The following IGF1R variants were observed in gnomAD, a reference collection of about 807,000 sequenced individuals.
IGF1R encodes the protein insulin like growth factor 1 receptor.
In IGF1R, 44 loss-of-function variants were observed where a neutral mutation model predicts 144.6. That is an observed-to-expected ratio of 0.30 (90% confidence interval 0.24 to 0.39). The LOEUF (loss-of-function observed/expected upper bound fraction) is 0.39, where lower values mean the gene tolerates loss of function less well. Among genes scored for constraint, IGF1R ranks in the 10% least tolerant of loss-of-function variants. The pLI, the probability that IGF1R is intolerant of heterozygous loss-of-function variation, is 1.00. For missense variants in IGF1R, 1,355 were observed against 1,833.7 expected, an observed-to-expected ratio of 0.74 and a Z score of 4.77; for synonymous variants, 795 against 722.8, an observed-to-expected ratio of 1.10 and a Z score of -1.60.
intron 2 of IGF1R, among the ~76,000 whole-genome samples, chr15:98,839,185 C>T (rs1338534481): frequency 6.6e-6 from 1 of 152,268 alleles, no homozygotes; most frequent in Non-Finnish European, 1.5e-5. Context: ...TTGCCATATA[C>T]TCAGTTGTCC....
chr15:98,853,248 T>G (rs2141564708), intron 2 of IGF1R, among the ~76,000 whole-genome samples: 1 of 152,346 alleles, frequency 6.6e-6, no homozygotes, highest in African/African-American at 2.4e-5. Context: ...AACCAAATGT[T>G]TTTCTACCTT....
chr15:98,716,525 G>C (rs1181161096), intron 2 of IGF1R, among the ~76,000 whole-genome samples: 2 of 152,182 alleles, frequency 1.3e-5, no homozygotes, highest in Non-Finnish European at 2.9e-5. Flanking sequence ...ATCTGTACCT[G>C]CCACTGGCTA....
chr15:98,937,917 AC>A (rs1285307557), intron 17 of IGF1R, among the ~76,000 whole-genome samples: 13 of 152,176 alleles, frequency 8.5e-5, no homozygotes, highest in African/African-American at 2.9e-4. Context: ...ATTTGGACTT[AC>A]CCCCAGTGAC....
At chr15:98,878,690 A>C (rs1233953173) in intron 2 of IGF1R, among the ~76,000 whole-genome samples, 54 of 139,926 alleles carry the variant, frequency 3.9e-4, no homozygotes, top group African/African-American at 1.4e-3. Context: ...AAAAAAAAAA[A>C]AAAAACAACA....
At chr15:98,706,121 G>T (rs1372931722) in intron 1 of IGF1R, among the ~76,000 whole-genome samples, 1 of 152,214 alleles carries the variant, frequency 6.6e-6, no homozygotes, top group Non-Finnish European at 1.5e-5. Flanking sequence ...TGGACTCGCT[G>T]TGTGCACACC....
chr15:98,837,095 TC>T (rs754310912), intron 2 of IGF1R, among the ~76,000 whole-genome samples: 1 of 152,224 alleles, frequency 6.6e-6, no homozygotes, highest in East Asian at 1.9e-4. Flanking sequence ...ATATTTCTTT[TC>T]TTTTTTCTTT....
At chr15:98,655,446 C>T (rs2052462681) in intron 1 of IGF1R, among the ~76,000 whole-genome samples, 1 of 151,992 alleles carries the variant, frequency 6.6e-6, no homozygotes, top group African/African-American at 2.4e-5. Flanking sequence ...ATTTTCAAAT[C>T]TTAAGGAAAA....
At chr15:98,885,222 G>A (rs557797928) in intron 2 of IGF1R, among the ~76,000 whole-genome samples, 1 of 152,260 alleles carries the variant, frequency 6.6e-6, no homozygotes, top group African/African-American at 2.4e-5. Flanking sequence ...CACGTCTATA[G>A]GGTGTAACCT....
chr15:98,728,007 GTTTT>G (rs10680958), intron 2 of IGF1R, among the ~76,000 whole-genome samples: 1 of 108,750 alleles, frequency 9.2e-6, no homozygotes, highest in African/African-American at 3.5e-5. Context: ...AAGATGCATT[GTTTT>G]TTTTTTTTTT....
At chr15:98,747,292 G>A (rs1234534575) in intron 2 of IGF1R, among the ~76,000 whole-genome samples, 2 of 152,216 alleles carry the variant, frequency 1.3e-5, no homozygotes, top group East Asian at 3.9e-4. Context: ...CACCTCCCGG[G>A]TTCAAGTGAT....
chr15:98,831,709 G>C (rs1250184908), intron 2 of IGF1R, among the ~76,000 whole-genome samples: 1 of 152,170 alleles, frequency 6.6e-6, no homozygotes, highest in Non-Finnish European at 1.5e-5. Flanking sequence ...AGGTATTGGG[G>C]GTGTAGGAGT....
intron 12 of IGF1R, 88 bp downstream of exon 12, chr15:98,924,100 A>C: frequency 7.8e-7 from 1 of 1,281,118 alleles, no homozygotes; most frequent in Non-Finnish European, 1.1e-6. Context: ...CCTCCTGGTT[A>C]GCATAGGACT....
intron 2 of IGF1R, among the ~76,000 whole-genome samples, chr15:98,813,053 C>T (rs1008464760): frequency 6.6e-6 from 1 of 152,048 alleles, no homozygotes; most frequent in Admixed American, 6.5e-5. Context: ...TTGGCTGGGG[C>T]GAGGCTTACT....
intron 1 of IGF1R, among the ~76,000 whole-genome samples, chr15:98,654,136 G>A (rs565211561): frequency 1.0e-3 from 156 of 152,260 alleles, no homozygotes; most frequent in South Asian, 2.1e-3. Context: ...TGTAGACTTA[G>A]GACTCTAGTG....
intron 2 of IGF1R, among the ~76,000 whole-genome samples, chr15:98,741,098 T>C (rs2054729040): frequency 6.6e-6 from 1 of 152,212 alleles, no homozygotes; most frequent in African/African-American, 2.4e-5. Context: ...ACTTCATGTT[T>C]CTAAACTTTG....
intron 1 of IGF1R, among the ~76,000 whole-genome samples, chr15:98,682,103 C>T (rs906926388): frequency 4.6e-5 from 7 of 152,150 alleles, no homozygotes; most frequent in African/African-American, 1.7e-4. Flanking sequence ...GGAGCAGAAC[C>T]GTTGGAACCT....
At chr15:98,694,830 C>G (rs1317454790) in intron 1 of IGF1R, among the ~76,000 whole-genome samples, 2 of 152,178 alleles carry the variant, frequency 1.3e-5, no homozygotes, top group East Asian at 1.9e-4. Context: ...GGCCGACTTT[C>G]CTGTGGCTTG....
chr15:98,712,290 A>G (rs1339135927), intron 2 of IGF1R, among the ~76,000 whole-genome samples: 1 of 152,202 alleles, frequency 6.6e-6, no homozygotes, highest in African/African-American at 2.4e-5. Flanking sequence ...AGGACTTGTC[A>G]TTCATATCAG....
At chr15:98,805,038 A>G (rs991026251) in intron 2 of IGF1R, among the ~76,000 whole-genome samples, 3 of 152,222 alleles carry the variant, frequency 2.0e-5, no homozygotes, top group African/African-American at 7.2e-5. Context: ...TCTCACAGAT[A>G]AGAAGTACAG....
Sources: gnomAD v4.1 joint callset for allele counts (sites outside exome capture counted in the v4.1 genomes callset) on GRCh38, gnomAD v4.1.1 for gene constraint, MANE v1.5 for transcripts, NCBI Gene and HGNC (gene_info 2026-07-23, HGNC 2026-07-21) for gene names.